MFSD2A: variants seen among roughly 807,000 people sequenced by gnomAD.
MFSD2A encodes sodium-dependent lysophosphatidylcholine symporter 1.
In MFSD2A, 27 loss-of-function variants were observed where a neutral mutation model predicts 64.7. The ratio of observed to expected loss-of-function variants is 0.42; its 90% CI spans 0.31 to 0.58. The LOEUF (loss-of-function observed/expected upper bound fraction) is 0.58, where lower values mean the gene tolerates loss of function less well. Ranked by LOEUF, MFSD2A falls within the 20% of genes least tolerant of loss-of-function variation. MFSD2A has a pLI of 0.18. For synonymous variants in MFSD2A, 258 were observed against 273.4 expected (o/e 0.94, Z 0.55); for missense variants, 474 against 679.5 (o/e 0.70, Z 3.36).
intron 9 of MFSD2A, 126 bp downstream of exon 9, chr1:39,967,295 T>G (rs1248226654): frequency 2.4e-6 from 2 of 847,280 alleles, no homozygotes; most frequent in Non-Finnish European, 3.8e-6. Flanking sequence ...GAGGGAGGCT[T>G]CTCAGGGTAT....
At chr1:39,961,202 C>G (rs952098399) in intron 3 of MFSD2A, among the ~76,000 whole-genome samples, 7 of 151,620 alleles carry the variant, frequency 4.6e-5, no homozygotes, top group Non-Finnish European at 1.0e-4. Context: ...TAGGAAGAAA[C>G]TGGGTCTGTC....
At position 39,968,252 on chromosome 1, in the gene MFSD2A, G is replaced by A; in HGVS notation, c.1209-82G>A. On this transcript the variant is annotated intron_variant, in intron 11 of 13. Coordinates refer to ENST00000372811, the MANE Select transcript of MFSD2A (RefSeq NM_032793.5). The surrounding 1 kb of genome is among the most constrained non-coding windows in gnomAD (Gnocchi z 4.4). Reference sequence around the variant, plus strand: ...GAGCTGTGTACCCATGGTACTGCAAGCTTCCAGAGGGCCACCTCTTCTCAT... The same window carrying A: ...GAGCTGTGTACCCATGGTACTGCAAACTTCCAGAGGGCCACCTCTTCTCAT... 8 of 1,572,644 alleles carry A rather than the reference G, an allele frequency of 5.1e-6. No homozygotes were observed. The highest frequency in any genetic ancestry group is 7.0e-6 in the Non-Finnish European group (8 of 1,147,778).
Position 39,955,895 on chromosome 1 carries a change from C to T in MFSD2A, c.93+510C>T, listed in dbSNP as rs1644917534. The T allele has an allele frequency of 8.5e-6, 2 of 234,270 alleles. No individual in the cohort carries two copies. The highest frequency in any genetic ancestry group is 1.8e-5 in the Non-Finnish European group (2 of 112,862). 14.5% of individuals were successfully genotyped at this position (234,270 alleles called of 1,614,324 possible). On this transcript the variant is annotated intron_variant, in intron 1 of 13. Transcript: ENST00000372811. The surrounding 1 kb of genome is among the most constrained non-coding windows in gnomAD (Gnocchi z 5.9). ...GCATTTGTCTGAATGTGGATGTTCG[C>T]GCGGGAACGGTGCTTTGCGCATCGA...
intron 3 of MFSD2A, among the ~76,000 whole-genome samples, chr1:39,961,014 T>A (rs1042568858): frequency 2.0e-5 from 3 of 152,154 alleles, no homozygotes; most frequent in African/African-American, 7.2e-5. Context: ...GGGGTCTGGC[T>A]ATGTTGCTCA....
At position 39,968,417 on chromosome 1, in the gene MFSD2A, A is replaced by G. The variant is rs753615407; in HGVS notation, c.1292A>G (p.Tyr431Cys). Residue 431 changes from tyrosine (Y) to cysteine (C), a missense_variant, in exon 12 of 14, where the codon TAT becomes TGT. Transcript: ENST00000372811. This position sits in a 1 kb window ranked among gnomAD's most constrained non-coding sequence, Gnocchi z 4.4. ...ACCGAGCCCATCTTCTTCTCCTTCT[A>G]TGTCTTCTTCACCAAGTTTGCCTCT... Reference protein sequence around the residue: ...HGTEPIFFSFYVFFTKFASGV... With the variant: ...HGTEPIFFSFCVFFTKFASGV... The G allele has an allele frequency of 2.5e-6, 4 of 1,613,740 alleles. No homozygotes were observed. Among genetic ancestry groups the G allele is most frequent in the Non-Finnish European group, 8.5e-7 (1 of 1,179,958 alleles).
Position 39,955,264 on chromosome 1 carries a change from C to T in MFSD2A, c.-29C>T, listed in dbSNP as rs1644899745. 1.4e-6 allele frequency: 2 copies of T among 1,394,192 alleles called. No individual in the cohort carries two copies. The highest frequency in any genetic ancestry group is 3.1e-5 in the Admixed American group (1 of 32,032). 86.4% of individuals were successfully genotyped at this position (1,394,192 alleles called of 1,614,324 possible). A position where few individuals can be genotyped will look rare whatever the true frequency, so the allele number is the denominator to read the frequency against. Reference sequence around the variant, plus strand: ...CGGGGCAGAGGAGCATCCCGTCTACCAGGTCCCAAGCGGCGTGGCCCGCGG... The same window carrying T: ...CGGGGCAGAGGAGCATCCCGTCTACTAGGTCCCAAGCGGCGTGGCCCGCGG... On this transcript the variant is annotated 5_prime_UTR_variant, in exon 1 of 14. Coordinates refer to ENST00000372811, the MANE Select transcript of MFSD2A (RefSeq NM_032793.5). The surrounding 1 kb of genome is among the most constrained non-coding windows in gnomAD (Gnocchi z 5.9).
rs550094236 is a variant in MFSD2A at position 39,968,841 on chromosome 1, C to A, written c.1529+96C>A. On this transcript the variant is annotated intron_variant, in intron 13 of 13. Transcript: ENST00000372811. This position sits in a 1 kb window ranked among gnomAD's most constrained non-coding sequence, Gnocchi z 4.4. ...TGTGGCCAAGTCCAGACTCACCCCC[C>A]ACACATCTTCTCTGGACAGCTGTAA... 82 of 1,333,988 alleles carry A rather than the reference C, an allele frequency of 6.1e-5. No individual in the cohort carries two copies. In the Middle Eastern group the frequency reaches 7.5e-4, roughly 12 times the overall value. The allele number at this position is 1,333,988 out of a possible 1,614,324, so 82.6% of individuals were successfully genotyped here.
rs1644980332 is a variant in MFSD2A at position 39,958,919 on chromosome 1, G to A, written c.353+94G>A. 1.4e-6 allele frequency: 2 copies of A among 1,429,934 alleles called. No homozygotes were observed. Among genetic ancestry groups the A allele is most frequent in the Admixed American group, 4.5e-5 (2 of 44,012 alleles). The allele number at this position is 1,429,934 out of a possible 1,614,324, so 88.6% of individuals were successfully genotyped here. A position where few individuals can be genotyped will look rare whatever the true frequency, so the allele number is the denominator to read the frequency against. On this transcript the variant is annotated intron_variant, in intron 3 of 13. Coordinates refer to ENST00000372811, the MANE Select transcript of MFSD2A (RefSeq NM_032793.5). This position sits in a 1 kb window ranked among gnomAD's most constrained non-coding sequence, Gnocchi z 4.7. ...CTCTCTGTCTTGTCACAGGCAGAAG[G>A]GTGAGGAGAAGGAAGGAGTTAAAAG...
rs41268047 is a variant in MFSD2A, at chr1:39,969,485, A to G, written c.1530-20A>G. On this transcript the variant is annotated intron_variant, in intron 13 of 13. Coordinates refer to ENST00000372811, the MANE Select transcript of MFSD2A (RefSeq NM_032793.5). ...TAAGGATGGATGCTTCCTCCAACCCATCTCCTCTCTCTCTTGCAGGGACGA... is the reference window on the plus strand; with the variant it reads ...TAAGGATGGATGCTTCCTCCAACCCGTCTCCTCTCTCTCTTGCAGGGACGA... 0.076 allele frequency: 121,076 copies of G among 1,592,644 alleles called. 5,223 individuals carry two copies. The highest frequency in any genetic ancestry group is 0.089 in the Non-Finnish European group (104,425 of 1,169,420).
intron 3 of MFSD2A, among the ~76,000 whole-genome samples, chr1:39,959,363 T>G (rs968660315): frequency 5.9e-5 from 9 of 151,660 alleles, no homozygotes; most frequent in Non-Finnish European, 1.0e-4. Context: ...TCTTCCCACC[T>G]CAGCCTCTCG....
chr1:39,955,251 G>A lies in MFSD2A; in HGVS notation c.-42G>A, dbSNP rs539297942. 2.9e-6 allele frequency: 4 copies of A among 1,366,138 alleles called. No homozygotes were observed. Among genetic ancestry groups the A allele is most frequent in the South Asian group, 3.7e-5 (2 of 54,416 alleles). 84.6% of individuals were successfully genotyped at this position (1,366,138 alleles called of 1,614,324 possible). On this transcript the variant is annotated 5_prime_UTR_variant, in exon 1 of 14. Transcript: ENST00000372811. The surrounding 1 kb of genome is among the most constrained non-coding windows in gnomAD (Gnocchi z 5.9). ...GAGCAGCGGCCTGCGGGGCAGAGGA[G>A]CATCCCGTCTACCAGGTCCCAAGCG... is the stretch of plus-strand genomic sequence containing the variant.
chr1:39,965,423 C>G lies in MFSD2A; in HGVS notation c.478-48C>G, dbSNP rs1402339363. On this transcript the variant is annotated intron_variant, in intron 4 of 13. Transcript: ENST00000372811. The surrounding 1 kb of genome is among the most constrained non-coding windows in gnomAD (Gnocchi z 5.5). ...CCAGGGTTGGTACTGGAAGCTACAT[C>G]AGTGTGTCCACCCGCCTGACCAGCC... 6 of 1,613,350 alleles carry G rather than the reference C, an allele frequency of 3.7e-6. No individual in the cohort carries two copies. The highest frequency in any genetic ancestry group is 5.1e-6 in the Non-Finnish European group (6 of 1,179,448).
rs1388097366 is a variant in MFSD2A at position 39,969,836 on chromosome 1, AG to A, written c.*269del. 8.2e-5 allele frequency: 32 copies of A among 391,814 alleles called. No homozygotes were observed. Among genetic ancestry groups the A allele is most frequent in the Non-Finnish European group, 7.7e-5 (18 of 232,576 alleles). The allele number at this position is 391,814 out of a possible 1,614,324, so 24.3% of individuals were successfully genotyped here. A position where few individuals can be genotyped will look rare whatever the true frequency, so the allele number is the denominator to read the frequency against. ...CGGGCCTAGCCCGGAACACTAATGT[AG>A]AAACCTTTTTTTTTACAGAGCCTAA... On this transcript the variant is annotated 3_prime_UTR_variant, in exon 14 of 14. Transcript: ENST00000372811.
rs1386657330 is a variant in MFSD2A at position 39,955,683 on chromosome 1, T to A, written c.93+298T>A. 1 of 620,204 alleles carries A rather than the reference T, an allele frequency of 1.6e-6. No homozygotes were observed. The highest frequency in any genetic ancestry group is 2.5e-4 in the Middle Eastern group (1 of 4,030). The allele number at this position is 620,204 out of a possible 1,614,324, so 38.4% of individuals were successfully genotyped here. On this transcript the variant is annotated intron_variant, in intron 1 of 13. Transcript: ENST00000372811. The surrounding 1 kb of genome is among the most constrained non-coding windows in gnomAD (Gnocchi z 5.9). ...TTTCCATTCTTCCGTGTTGAGCGGC[T>A]GGGGCTTGCCGCCCCAAACCCCAGA...
Position 39,967,821 on chromosome 1 carries a change from C to T in MFSD2A, c.1113C>T (p.Leu371=), listed in dbSNP as rs1645196107. The T allele has an allele frequency of 1.5e-5, 24 of 1,613,842 alleles. No homozygotes were observed. Among genetic ancestry groups the T allele is most frequent in the Non-Finnish European group, 2.0e-5 (24 of 1,179,776 alleles). ...TTCCCTAGTCAGCAGTGCCATTTCT[C>T]ATCTTGGTGGCCCTCATGGAGAGTA... ...YVGISSAVPF[L]ILVALMESNL... The change falls in exon 11 of 14, where the codon CTC becomes CTT. Residue 371 remains leucine, a synonymous_variant. Transcript: ENST00000372811.
chr1:39,960,540 C>T lies in MFSD2A; in HGVS notation c.353+1715C>T, dbSNP rs552313356. On this transcript the variant is annotated intron_variant, in intron 3 of 13. Transcript: ENST00000372811. This position sits in a 1 kb window ranked among gnomAD's most constrained non-coding sequence, Gnocchi z 4.8. Reference sequence around the variant, plus strand: ...CTTGGCCCTGTGCCCGCCTCCCTGGCAGCCAGTAGAAGGGGAGGCTCTGCT... The same window carrying T: ...CTTGGCCCTGTGCCCGCCTCCCTGGTAGCCAGTAGAAGGGGAGGCTCTGCT... 1.2e-4 allele frequency among the ~76,000 whole-genome samples: 19 copies of T among 152,368 alleles called. 2 individuals are homozygous for T. In the South Asian group the frequency reaches 3.5e-3, roughly 28 times the overall value.
chr1:39,956,928 A>G, intron 1 of MFSD2A, among the ~76,000 whole-genome samples, 159 bp from the exon 2 acceptor site: 1 of 150,282 alleles, frequency 6.7e-6, no homozygotes, highest in South Asian at 2.1e-4. Context: ...AAAAAAAAAA[A>G]AAAAAAAAAA....
chr1:39,964,321 A>C lies in MFSD2A; in HGVS notation c.354-890A>C, dbSNP rs1272895627. The C allele has an allele frequency of 6.6e-6, 1 of 152,252 alleles. No individual in the cohort carries two copies. Among genetic ancestry groups the C allele is most frequent in the African/African-American group, 2.4e-5 (1 of 41,466 alleles). 9.4% of individuals were successfully genotyped at this position (152,252 alleles called of 1,614,324 possible). ...TCTCTAGTTATCCTAAGTAATTAGA[A>C]TAGCGCCCAGCCCATAGCTGGAACT... On this transcript the variant is annotated intron_variant, in intron 3 of 13. Transcript: ENST00000372811. This position sits in a 1 kb window ranked among gnomAD's most constrained non-coding sequence, Gnocchi z 4.1.
chr1:39,965,949 A>G lies in MFSD2A; in HGVS notation c.649A>G (p.Asn217Asp). 1 of 1,614,188 alleles carries G rather than the reference A, an allele frequency of 6.2e-7. No homozygotes were observed. Reference protein sequence around the residue: ...QADTPCFQDLNSSTVASQSAN... With the variant: ...QADTPCFQDLDSSTVASQSAN... ...AGACACGCCTTGTTTCCAGGACCTC[A>G]ATAGCTCTACAGTAGCTTCACAAAG... Residue 217 changes from asparagine to aspartate, a missense_variant, in exon 6 of 14, where the codon AAT becomes GAT. Transcript: ENST00000372811. This position sits in a 1 kb window ranked among gnomAD's most constrained non-coding sequence, Gnocchi z 5.5.
Sources: gnomAD v4.1 joint callset for allele counts (sites outside exome capture counted in the v4.1 genomes callset) on GRCh38, gnomAD v4.1.1 for gene constraint, Gnocchi (gnomAD v3.1) non-coding constraint, MANE v1.5 for transcripts, NCBI Gene and HGNC (gene_info 2026-07-23, HGNC 2026-07-21) for gene names.